SCRG1: variants seen among roughly 807,000 people sequenced by gnomAD.
SCRG1 encodes scrapie-responsive protein 1.
A neutral mutation model predicts 7.7 loss-of-function variants in SCRG1; 3 were observed. The observed-to-expected ratio is 0.39, with a 90% CI of 0.18 to 1.01. The LOEUF is 1.01. Ranked by LOEUF, SCRG1 falls within the 50% of genes least tolerant of loss-of-function variation. The pLI, the probability that SCRG1 is intolerant of heterozygous loss-of-function variation, is 0.36. For synonymous variants in SCRG1, 46 were observed against 41.2 expected (o/e 1.12, Z -0.44); for missense variants, 110 against 117.2 (o/e 0.94, Z 0.28).
At chr4:173,447,713 G>A in the SCRG1 span, among the ~76,000 whole-genome samples, 2 of 152,188 alleles carry the variant, frequency 1.3e-5, no homozygotes, top group Non-Finnish European at 2.9e-5. Context: ...TGCTGCTGAA[G>A]TAAGCACAGT....
At chr4:173,457,309 G>A in the SCRG1 span, among the ~76,000 whole-genome samples, 241 of 152,276 alleles carry the variant, frequency 1.6e-3, 5 homozygotes, top group East Asian at 0.025. Flanking sequence ...CACAATAAAT[G>A]GTGTTCTGTT....
chr4:173,404,521 A>T (rs1188255417), intron 1 of SCRG1: 1 of 152,226 alleles, frequency 6.6e-6, no homozygotes, highest in African/African-American at 2.4e-5. Flanking sequence ...AAAACCAGTC[A>T]CTCAGTAAAT....
chr4:173,428,059 GAC>G, the SCRG1 span, among the ~76,000 whole-genome samples: 4 of 152,166 alleles, frequency 2.6e-5, no homozygotes, highest in Admixed American at 2.6e-4. Context: ...ATCAAAGAGA[GAC>G]TTTATGCATA....
chr4:173,439,293 G>A, the SCRG1 span, among the ~76,000 whole-genome samples: 500 of 152,172 alleles, frequency 3.3e-3, 4 homozygotes, highest in African/African-American at 0.012. Context: ...TTGGGATGCC[G>A]CTGTGGAAGG....
At chr4:173,449,942 A>G in the SCRG1 span, among the ~76,000 whole-genome samples, 4 of 152,202 alleles carry the variant, frequency 2.6e-5, no homozygotes, top group African/African-American at 9.7e-5. Context: ...CAGTTTGTTG[A>G]GGAAAAACAA....
At chr4:173,493,079 G>A in the SCRG1 span, among the ~76,000 whole-genome samples, 2 of 152,108 alleles carry the variant, frequency 1.3e-5, no homozygotes, top group Non-Finnish European at 1.5e-5. Context: ...AGAAGTAACC[G>A]AGAGCCGTGT....
chr4:173,510,906 T>C, the SCRG1 span, among the ~76,000 whole-genome samples: 1 of 152,238 alleles, frequency 6.6e-6, no homozygotes, highest in African/African-American at 2.4e-5. This position sits in a 1 kb window ranked among gnomAD's most constrained non-coding sequence, Gnocchi z 5.7. Context: ...TCTATTCTTC[T>C]GGGCTGGCGT....
At chr4:173,421,682 T>TC in the SCRG1 span, among the ~76,000 whole-genome samples, 28 of 152,302 alleles carry the variant, frequency 1.8e-4, no homozygotes, top group Non-Finnish European at 3.5e-4. Flanking sequence ...GAGATAAATG[T>TC]AAGATGCCAT....
chr4:173,484,168 T>C, the SCRG1 span, among the ~76,000 whole-genome samples: 2 of 86,350 alleles, frequency 2.3e-5, no homozygotes, highest in East Asian at 7.6e-4. Context: ...CTACATTATA[T>C]ATAATATATA....
the SCRG1 span, among the ~76,000 whole-genome samples, chr4:173,439,069 G>A: frequency 8.5e-5 from 13 of 152,138 alleles, no homozygotes; most frequent in South Asian, 1.2e-3. Flanking sequence ...GATTATCCAC[G>A]TGCTTTCTTT....
At chr4:173,518,080 C>G in the SCRG1 span, among the ~76,000 whole-genome samples, 1 of 152,250 alleles carries the variant, frequency 6.6e-6, no homozygotes, top group African/African-American at 2.4e-5. Flanking sequence ...AAAGAAATTG[C>G]CTATCCTTAA....
chr4:173,462,833 T>A, the SCRG1 span, among the ~76,000 whole-genome samples: 1 of 152,234 alleles, frequency 6.6e-6, no homozygotes, highest in African/African-American at 2.4e-5. Context: ...CAAGTTTTTA[T>A]TAGTTTTCTT....
chr4:173,449,603 T>C, the SCRG1 span, among the ~76,000 whole-genome samples: 4 of 152,174 alleles, frequency 2.6e-5, no homozygotes, highest in Non-Finnish European at 5.9e-5. Flanking sequence ...GTCTCTCTCC[T>C]GAACTATTAT....
At chr4:173,421,665 A>G in the SCRG1 span, among the ~76,000 whole-genome samples, 1 of 152,196 alleles carries the variant, frequency 6.6e-6, no homozygotes, top group African/African-American at 2.4e-5. Context: ...ACTTCACAAC[A>G]TGTCATGAGA....
chr4:173,438,902 C>G, the SCRG1 span, among the ~76,000 whole-genome samples: 5 of 151,980 alleles, frequency 3.3e-5, no homozygotes, highest in African/African-American at 9.7e-5. Flanking sequence ...GTTGGCTGTT[C>G]ACCAAACTGG....
the SCRG1 span, among the ~76,000 whole-genome samples, chr4:173,470,387 G>C: frequency 2.0e-5 from 3 of 152,120 alleles, no homozygotes; most frequent in African/African-American, 7.2e-5. Flanking sequence ...CAGTCTAAGT[G>C]ACTGAGACCG....
the SCRG1 span, among the ~76,000 whole-genome samples, chr4:173,461,705 CA>C: frequency 6.6e-6 from 1 of 152,068 alleles, no homozygotes; most frequent in Non-Finnish European, 1.5e-5. Flanking sequence ...GTGACCTCAC[CA>C]AATGATCTAA....
the SCRG1 span, among the ~76,000 whole-genome samples, chr4:173,483,675 ATGATATATTATATTGTGATATAT>A: frequency 6.6e-5 from 1 of 15,168 alleles, no homozygotes; most frequent in Non-Finnish European, 1.4e-4. Context: ...TATAATATAT[ATGATATATTATATTGTGATATAT>A]CATATATATG....
chr4:173,403,644 G>A (rs1330354967), upstream of SCRG1, among the ~76,000 whole-genome samples: 4 of 152,088 alleles, frequency 2.6e-5, no homozygotes, highest in African/African-American at 7.2e-5. Context: ...AGGAGCCCAT[G>A]GAATAGTTAG....
Sources: allele counts gnomAD v4.1 joint callset (sites outside exome capture counted in the v4.1 genomes callset), GRCh38; gene constraint gnomAD v4.1.1; non-coding constraint Gnocchi (gnomAD v3.1); transcripts MANE v1.5; gene names NCBI Gene and HGNC (gene_info 2026-07-23, HGNC 2026-07-21).